The following ATP5F1D variants were observed in gnomAD, a reference collection of about 807,000 sequenced individuals.
ATP5F1D encodes the protein ATP synthase F1 subunit delta.
ATP5F1D carries 16 observed loss-of-function variants against 13.0 expected under a neutral mutation model. The ratio of observed to expected loss-of-function variants is 1.23; its 90% CI spans 0.83 to 1.87. The LOEUF is 1.87. Among genes scored for constraint, ATP5F1D ranks in the 40% most tolerant of loss-of-function variants. The probability of loss-of-function intolerance (pLI) is 0.00; values close to 1 mark genes in which losing one functional copy is unlikely to be tolerated. For synonymous variants in ATP5F1D, 129 were observed against 116.2 expected (o/e 1.11, Z -0.71); for missense variants, 294 against 246.2 (o/e 1.19, Z -1.30).
rs2081054551 is a variant in ATP5F1D at position 1,244,625 on chromosome 19, A to AG, written c.*191dup. 2 of 922,922 alleles carry AG rather than the reference A, an allele frequency of 2.2e-6. No homozygotes were observed. The highest frequency in any genetic ancestry group is 6.0e-5 in the Admixed American group (2 of 33,446). The allele number at this position is 922,922 out of a possible 1,614,324, so 57.2% of individuals were successfully genotyped here. On this transcript the variant is annotated 3_prime_UTR_variant, in exon 4 of 4. Transcript: ENST00000215375. ...TGTTGAAAGCTCTGGGGACTGGGCC[A>AG]GGGAAGCTCCTCCTCAGCTTTGAGC...
intron 2 of ATP5F1D, chr19:1,243,149 G>C (rs183465301): frequency 6.6e-6 from 1 of 152,588 alleles, no homozygotes; most frequent in Non-Finnish European, 1.5e-5. Context: ...TGATGAAAGC[G>C]AACCAGAGGG....
chr19:1,241,751 A>G lies in ATP5F1D; in HGVS notation c.-100A>G. ...CGCTCTCGCCGGGACTCCTCCTCCC[A>G]GACGTCCCTGCGCGTCGTCCTCCTC... On this transcript the variant is annotated 5_prime_UTR_variant, in exon 1 of 4. Coordinates refer to ENST00000215375, the MANE Select transcript of ATP5F1D (RefSeq NM_001687.5). 1 of 1,213,520 alleles carries G rather than the reference A, an allele frequency of 8.2e-7. No individual in the cohort carries two copies. The highest frequency in any genetic ancestry group is 1.0e-6 in the Non-Finnish European group (1 of 970,806). 75.2% of individuals were successfully genotyped at this position (1,213,520 alleles called of 1,614,324 possible). A position where few individuals can be genotyped will look rare whatever the true frequency, so the allele number is the denominator to read the frequency against.
Position 1,241,879 on chromosome 19 carries a change from C to T in ATP5F1D, c.29C>T (p.Pro10Leu). 1 of 1,416,992 alleles carries T rather than the reference C, an allele frequency of 7.1e-7. No individual in the cohort carries two copies. 87.8% of individuals were successfully genotyped at this position (1,416,992 alleles called of 1,614,324 possible). A position where few individuals can be genotyped will look rare whatever the true frequency, so the allele number is the denominator to read the frequency against. Residue 10 changes from proline to leucine, a missense_variant, in exon 1 of 4, where the codon CCG (proline) becomes CTG (leucine). Pro to Leu is a moderately conservative substitution (Grantham distance 98, BLOSUM62 -3). Coordinates refer to ENST00000215375, the MANE Select transcript of ATP5F1D (RefSeq NM_001687.5). ...CTGCCCGCCGCGCTGCTCCGCCGCCCGGGACTTGGCCGCCTCGTCCGCCAC... is the reference window on the plus strand; with the variant it reads ...CTGCCCGCCGCGCTGCTCCGCCGCCTGGGACTTGGCCGCCTCGTCCGCCAC... MLPAALLRR[P>L]GLGRLVRHAR...
At chr19:1,242,231 C>T in intron 1 of ATP5F1D, 4 of 765,176 alleles carry the variant, frequency 5.2e-6, no homozygotes, top group Non-Finnish European at 7.4e-6. Context: ...CTGGCCAAAG[C>T]CTGGGTGTCG....
chr19:1,242,438 C>G lies in ATP5F1D; in HGVS notation c.142-18C>G. 6.7e-7 allele frequency: 1 copy of G among 1,499,490 alleles called. No individual in the cohort carries two copies. The highest frequency in any genetic ancestry group is 9.0e-7 in the Non-Finnish European group (1 of 1,116,620). The allele number at this position is 1,499,490 out of a possible 1,614,324, so 92.9% of individuals were successfully genotyped here. A position where few individuals can be genotyped will look rare whatever the true frequency, so the allele number is the denominator to read the frequency against. The stretch of plus-strand genomic sequence containing the variant: ...GGCCGGCCTGCCCCGCCATCATTCC[C>G]CACGCTGTTGTCTGCAGGTGTTCTT... On this transcript the variant is annotated intron_variant, in intron 1 of 3. Coordinates refer to ENST00000215375, the MANE Select transcript of ATP5F1D (RefSeq NM_001687.5).
intron 2 of ATP5F1D, 162 bp from the exon 3 acceptor site, chr19:1,243,935 G>A: frequency 1.5e-6 from 1 of 688,842 alleles, no homozygotes; most frequent in South Asian, 2.0e-5. Flanking sequence ...CGCCATGTTG[G>A]GCCCAGGGCC....
chr19:1,241,781 T>C lies in ATP5F1D; in HGVS notation c.-70T>C. ...TCCCTGCGCGTCGTCCTCCTCGCCCTCCAGGCCGCCCGCGCCGCGCCGGAG... is the reference window on the plus strand; with the variant it reads ...TCCCTGCGCGTCGTCCTCCTCGCCCCCCAGGCCGCCCGCGCCGCGCCGGAG... On this transcript the variant is annotated 5_prime_UTR_variant, in exon 1 of 4. Transcript: ENST00000215375. 7.9e-7 allele frequency: 1 copy of C among 1,273,038 alleles called. No homozygotes were observed. Among genetic ancestry groups the C allele is most frequent in the Non-Finnish European group, 9.9e-7 (1 of 1,012,678 alleles). 78.9% of individuals were successfully genotyped at this position (1,273,038 alleles called of 1,614,324 possible). A position where few individuals can be genotyped will look rare whatever the true frequency, so the allele number is the denominator to read the frequency against.
At chr19:1,242,958 C>T (rs2081045262) in intron 2 of ATP5F1D, 1 of 168,204 alleles carries the variant, frequency 5.9e-6, no homozygotes, top group Non-Finnish European at 1.3e-5. Flanking sequence ...AACCCCGTCT[C>T]TACTAAAAAT....
In ATP5F1D at chr19:1,244,604, G is replaced by A; in HGVS notation, c.*167G>A. The A allele has an allele frequency of 8.9e-7, 1 of 1,129,586 alleles. No homozygotes were observed. Among genetic ancestry groups the A allele is most frequent in the Non-Finnish European group, 1.2e-6 (1 of 810,468 alleles). 70.0% of individuals were successfully genotyped at this position (1,129,586 alleles called of 1,614,324 possible). On this transcript the variant is annotated 3_prime_UTR_variant, in exon 4 of 4. Transcript: ENST00000215375. Reference sequence around the variant, plus strand: ...CTGGGCCCCAGGCCCTGCCTGTGTTGAAAGCTCTGGGGACTGGGCCAGGGA... The same window carrying A: ...CTGGGCCCCAGGCCCTGCCTGTGTTAAAAGCTCTGGGGACTGGGCCAGGGA...
intron 3 of ATP5F1D, 56 bp downstream of exon 3, chr19:1,244,241 G>T: frequency 6.3e-7 from 1 of 1,583,910 alleles, no homozygotes; most frequent in East Asian, 2.3e-5. Context: ...AGGCTGCGGG[G>T]GAGGGAGCGC....
rs1051734 is a variant in ATP5F1D at position 1,244,776 on chromosome 19, C to T, written c.*339C>T. 1 of 271,458 alleles carries T rather than the reference C, an allele frequency of 3.7e-6. No individual in the cohort carries two copies. The allele number at this position is 271,458 out of a possible 1,614,324, so 16.8% of individuals were successfully genotyped here. On this transcript the variant is annotated 3_prime_UTR_variant, in exon 4 of 4. Transcript: ENST00000215375. ...GTTGACCTCAGCTTCGGAGCCACCT[C>T]TGGATGAACTGCCCCCAGCCCCCGC...
At chr19:1,243,363 A>G (rs1490139055) in intron 2 of ATP5F1D, 1 of 151,610 alleles carries the variant, frequency 6.6e-6, no homozygotes, top group Admixed American at 6.6e-5. Flanking sequence ...ACAAAAAATA[A>G]AAAGAAACTG....
intron 2 of ATP5F1D, among the ~76,000 whole-genome samples, chr19:1,243,719 G>A (rs546150984): frequency 1.5e-4 from 23 of 152,320 alleles, no homozygotes; most frequent in African/African-American, 4.1e-4. Flanking sequence ...AAGGTCATTT[G>A]TGCAGGAAAA....
chr19:1,242,622 G>T lies in ATP5F1D; in HGVS notation c.295+13G>T. ...TCCAAATACTTTGGTGAGTCCGGTG[G>T]AGGGCTGCAGGGCCAGGCCAGGCTG... On this transcript the variant is annotated intron_variant, in intron 2 of 3. Transcript: ENST00000215375. The T allele has an allele frequency of 4.7e-6, 7 of 1,497,864 alleles. No homozygotes were observed. Among genetic ancestry groups the T allele is most frequent in the Non-Finnish European group, 6.3e-6 (7 of 1,113,298 alleles). 92.8% of individuals were successfully genotyped at this position (1,497,864 alleles called of 1,614,324 possible). A position where few individuals can be genotyped will look rare whatever the true frequency, so the allele number is the denominator to read the frequency against.
chr19:1,242,503 G>A lies in ATP5F1D; in HGVS notation c.189G>A (p.Leu63=). ...TCCGGCAGGTGGACGTGCCCACGCT[G>A]ACCGGAGCCTTCGGCATCCTGGCGG... ...ANVRQVDVPT[L]TGAFGILAAH... Residue 63 remains leucine (L), a synonymous_variant, in exon 2 of 4, where the codon CTG becomes CTA. Transcript: ENST00000215375. 6.4e-7 allele frequency: 1 copy of A among 1,555,638 alleles called. No homozygotes were observed. The highest frequency in any genetic ancestry group is 1.2e-5 in the South Asian group (1 of 84,408).
chr19:1,243,672 A>T (rs1206408544), intron 2 of ATP5F1D, among the ~76,000 whole-genome samples: 1 of 152,212 alleles, frequency 6.6e-6, no homozygotes, highest in Non-Finnish European at 1.5e-5. Flanking sequence ...AACCCCTCAA[A>T]AAACCATGTT....
At position 1,244,351 on chromosome 19, in the gene ATP5F1D, C is replaced by G. The variant is rs961669963; in HGVS notation, c.421C>G (p.Leu141Val). Residue 141 changes from leucine to valine, a missense_variant, in exon 4 of 4, where the codon CTG (leucine) becomes GTG (valine). Physicochemically the swap from Leu to Val is conservative, Grantham distance 32. Transcript: ENST00000215375. ...AAACTTGGAGAAGGCCCAGGCGGAG[C>G]TGGTGGGGACAGCTGACGAGGCCAC... ...KANLEKAQAE[L>V]VGTADEATRA... The G allele has an allele frequency of 6.3e-7, 1 of 1,590,264 alleles. No homozygotes were observed. Among genetic ancestry groups the G allele is most frequent in the African/African-American group, 1.3e-5 (1 of 74,628 alleles).
At chr19:1,242,819 C>A in intron 2 of ATP5F1D, 3 of 471,618 alleles carry the variant, frequency 6.4e-6, no homozygotes, top group Non-Finnish European at 1.0e-5. Context: ...GATGTAACCC[C>A]GTCTCTTCTA....
rs781096793 is a variant in ATP5F1D at position 1,242,506 on chromosome 19, C to T, written c.192C>T (p.Thr64=). ...NVRQVDVPTL[T]GAFGILAAHV... is the part of the protein sequence containing the mutation. ...GGCAGGTGGACGTGCCCACGCTGACCGGAGCCTTCGGCATCCTGGCGGCCC... is the reference window on the plus strand; with the variant it reads ...GGCAGGTGGACGTGCCCACGCTGACTGGAGCCTTCGGCATCCTGGCGGCCC... Residue 64 remains threonine, a synonymous_variant, in exon 2 of 4, where the codon ACC becomes ACT. Coordinates refer to ENST00000215375, the MANE Select transcript of ATP5F1D (RefSeq NM_001687.5). The T allele has an allele frequency of 1.9e-6, 3 of 1,553,116 alleles. No individual in the cohort carries two copies. Among genetic ancestry groups the T allele is most frequent in the East Asian group, 2.4e-5 (1 of 41,420 alleles).
Sources: allele counts gnomAD v4.1 joint callset (sites outside exome capture counted in the v4.1 genomes callset), GRCh38; gene constraint gnomAD v4.1.1; transcripts MANE v1.5; gene names NCBI Gene and HGNC (gene_info 2026-07-23, HGNC 2026-07-21).